The following OPN3 variants were observed in gnomAD, a reference collection of about 807,000 sequenced individuals.
OPN3 encodes opsin-3.
In OPN3, 29 loss-of-function variants were observed where a neutral mutation model predicts 33.8. That is an observed-to-expected ratio of 0.86 (90% CI 0.64 to 1.17). The LOEUF (loss-of-function observed/expected upper bound fraction) is 1.17. Among genes scored for constraint, OPN3 ranks in the 50% most tolerant of loss-of-function variants. The pLI is 0.00. For missense variants in OPN3, 437 were observed against 514.1 expected (o/e 0.85, Z 1.45); for synonymous variants, 216 against 216.1 (o/e 1.00, Z 0.00).
At chr1:241,615,504 C>T (rs953212860) in intron 1 of OPN3, among the ~76,000 whole-genome samples, 1 of 152,190 alleles carries the variant, frequency 6.6e-6, no homozygotes, top group Non-Finnish European at 1.5e-5. Flanking sequence ...CTCGTATTTG[C>T]TTTTAAAACC....
intron 2 of OPN3, among the ~76,000 whole-genome samples, chr1:241,599,834 G>A (rs1226932067): frequency 4.6e-5 from 7 of 152,150 alleles, no homozygotes; most frequent in African/African-American, 1.4e-4. Context: ...CAGAACTTGA[G>A]TTCCATTTCC....
At chr1:241,620,847 C>A (rs759058469) in intron 1 of OPN3, among the ~76,000 whole-genome samples, 4 of 152,060 alleles carry the variant, frequency 2.6e-5, no homozygotes, top group Non-Finnish European at 5.9e-5. Context: ...TAGTAGTTAT[C>A]ATATTAGACA....
chr1:241,611,039 T>C (rs1337090071), intron 1 of OPN3, among the ~76,000 whole-genome samples: 1 of 152,192 alleles, frequency 6.6e-6, no homozygotes, highest in Non-Finnish European at 1.5e-5. Context: ...TAAATTGCTT[T>C]AAGTAGTAGA....
At chr1:241,634,156 TTC>T (rs1314601860) in intron 1 of OPN3, 9 of 1,613,542 alleles carry the variant, frequency 5.6e-6, no homozygotes, top group Middle Eastern at 1.6e-4. Context: ...CCTCGTTTAT[TTC>T]TGTTTCAGTA....
chr1:241,614,670 C>T (rs1037347008), intron 1 of OPN3, among the ~76,000 whole-genome samples: 4 of 152,170 alleles, frequency 2.6e-5, no homozygotes, highest in East Asian at 1.9e-4. Context: ...TGGCTTCAAA[C>T]TTGGCTTCTT....
intron 1 of OPN3, chr1:241,615,958 C>T (rs1173551876): frequency 6.4e-5 from 29 of 456,574 alleles, no homozygotes; most frequent in Non-Finnish European, 1.2e-4. Flanking sequence ...CGGACATTAA[C>T]ATCTCATGGA....
chr1:241,596,997 C>CT lies in OPN3; in HGVS notation c.945+748dup, dbSNP rs66972551. ...TGCCACCATGCCCAGCTAATTTTTTCTTTTTTTTTTTTGAGAGAGCGGGGC... is the reference window on the plus strand; with the variant it reads ...TGCCACCATGCCCAGCTAATTTTTTCTTTTTTTTTTTTTGAGAGAGCGGGGC... On this transcript the variant is annotated intron_variant, in intron 3 of 3. Coordinates refer to ENST00000366554, the MANE Select transcript of OPN3 (RefSeq NM_014322.3). Among the ~76,000 whole-genome samples, 978 of 146,786 alleles carry CT rather than the reference C, an allele frequency of 6.7e-3. 6 individuals carry two copies. Among genetic ancestry groups the CT allele is most frequent in the South Asian group, 0.013 (58 of 4,628 alleles).
chr1:241,609,819 T>G (rs1015177824), intron 1 of OPN3, among the ~76,000 whole-genome samples: 4 of 152,192 alleles, frequency 2.6e-5, no homozygotes, highest in Admixed American at 2.6e-4. Flanking sequence ...TGCCTTGGAC[T>G]CTGGGGTGTG....
intron 1 of OPN3, chr1:241,635,007 T>C: frequency 6.2e-7 from 1 of 1,613,578 alleles, no homozygotes; most frequent in Non-Finnish European, 8.5e-7. Flanking sequence ...ACATAACGAC[T>C]AACATCTGAT....
chr1:241,611,865 G>T (rs1664011543), intron 1 of OPN3, among the ~76,000 whole-genome samples: 1 of 152,212 alleles, frequency 6.6e-6, no homozygotes, highest in South Asian at 2.1e-4. Context: ...GAGGAAAATG[G>T]ATTGTGAGCC....
intron 1 of OPN3, among the ~76,000 whole-genome samples, chr1:241,612,735 G>T (rs774910591): frequency 1.7e-4 from 26 of 152,090 alleles, no homozygotes; most frequent in Admixed American, 1.6e-3. Context: ...CAGGTCCTAC[G>T]TACCAGTGAA....
intron 1 of OPN3, among the ~76,000 whole-genome samples, chr1:241,626,787 CAAGT>C (rs1402539225): frequency 1.3e-5 from 2 of 152,142 alleles, no homozygotes; most frequent in African/African-American, 2.4e-5. Flanking sequence ...GAATACGGAA[CAAGT>C]AAGAGTCTCA....
intron 1 of OPN3, among the ~76,000 whole-genome samples, chr1:241,625,191 T>C (rs548513056): frequency 2.0e-5 from 3 of 152,360 alleles, no homozygotes; most frequent in African/African-American, 7.2e-5. Flanking sequence ...GTATTTTCTA[T>C]AGTTAACACC....
At chr1:241,626,436 T>TA (rs56743857) in intron 1 of OPN3, among the ~76,000 whole-genome samples, 111,460 of 151,564 alleles carry the variant, frequency 0.74, 41,584 homozygotes, top group African/African-American at 0.86. Context: ...TTTTTACTTT[T>TA]CTATCTGGTT....
At chr1:241,623,478 A>G (rs901480282) in intron 1 of OPN3, among the ~76,000 whole-genome samples, 13 of 152,212 alleles carry the variant, frequency 8.5e-5, no homozygotes, top group African/African-American at 2.9e-4. Flanking sequence ...TAATACCATT[A>G]GGTGCTTCTC....
chr1:241,634,449 A>G (rs1173571041), intron 1 of OPN3: 1 of 1,613,752 alleles, frequency 6.2e-7, no homozygotes, highest in East Asian at 2.2e-5. Flanking sequence ...TCAGAAAGGT[A>G]ACTGTCTTCC....
Position 241,604,383 on chromosome 1 carries a change from C to G in OPN3, c.570G>C (p.Val190=), listed in dbSNP as rs1195189607. Residue 190 remains valine (V), a synonymous_variant, in exon 2 of 4, where the codon GTG becomes GTC. Transcript: ENST00000366554. ...ILDVHGLGCT[V]DWKSKDANDS... is the part of the protein sequence containing the mutation. ...CGTTGGCATCCTTGGATTTCCAGTC[C>G]ACAGTGCAGCCTAGTCCGTGTACGT... The G allele has an allele frequency of 6.2e-7, 1 of 1,614,028 alleles. No homozygotes were observed. Among genetic ancestry groups the G allele is most frequent in the East Asian group, 2.2e-5 (1 of 44,874 alleles).
chr1:241,607,756 AAG>A lies in OPN3; in HGVS notation c.374-3179_374-3178del, dbSNP rs1242062230. 6.7e-5 allele frequency among the ~76,000 whole-genome samples: 10 copies of A among 150,230 alleles called. No individual in the cohort carries two copies. The East Asian group carries it at 1.2e-3, about 18-fold the overall frequency. ...GAGGGAAGGAAGGAAGGAAGAAAGA[AAG>A]AGAAAGGAGGGAAGGAAGGAAGAAA... is the stretch of plus-strand genomic sequence containing the variant. On this transcript the variant is annotated intron_variant, in intron 1 of 3. Coordinates refer to ENST00000366554, the MANE Select transcript of OPN3 (RefSeq NM_014322.3).
Position 241,634,379 on chromosome 1 carries a change from T to G in OPN3, c.373+5503A>C, listed in dbSNP as rs778521313. ...ATCTAAATCTGTCTTTAGTATAGAC[T>G]GATCTGTAATGAGTACTGCCCTAGA... On this transcript the variant is annotated intron_variant, in intron 1 of 3. Transcript: ENST00000366554. The G allele has an allele frequency of 4.3e-6, 7 of 1,613,922 alleles. 1 individual carries two copies. The highest frequency in any genetic ancestry group is 3.3e-5 in the South Asian group (3 of 91,084).
Sources: gnomAD v4.1 joint callset for allele counts (sites outside exome capture counted in the v4.1 genomes callset) on GRCh38, gnomAD v4.1.1 for gene constraint, MANE v1.5 for transcripts, NCBI Gene and HGNC (gene_info 2026-07-23, HGNC 2026-07-21) for gene names.